Variants in APPL1 observed in about 807,000 individuals in gnomAD.
APPL1 encodes the protein DCC-interacting protein 13-alpha.
APPL1 carries 42 observed loss-of-function variants against 106.8 expected under a neutral mutation model. That is an observed-to-expected ratio of 0.39 (90% CI 0.31 to 0.51). The LOEUF is 0.51. Among genes scored for constraint, APPL1 ranks in the 20% least tolerant of loss-of-function variants. The pLI, the probability that APPL1 is intolerant of heterozygous loss-of-function variation, is 0.75. For missense variants in APPL1, 769 were observed against 858.2 expected, an observed-to-expected ratio of 0.90 and a Z score of 1.30; for synonymous variants, 263 against 281.8, an observed-to-expected ratio of 0.93 and a Z score of 0.67.
At chr3:57,265,756 A>T (rs1472147042) in intron 19 of APPL1, among the ~76,000 whole-genome samples, 1 of 151,880 alleles carries the variant, frequency 6.6e-6, no homozygotes, top group Admixed American at 6.6e-5. Flanking sequence ...CTCTTACCTG[A>T]TTACTCATCT....
At position 57,237,540 on chromosome 3, in the gene APPL1, T is replaced by A. The variant is rs1441177436; in HGVS notation, c.202T>A (p.Tyr68Asn). 1 of 1,597,106 alleles carries A rather than the reference T, an allele frequency of 6.3e-7. No individual in the cohort carries two copies. The highest frequency in any genetic ancestry group is 8.5e-7 in the Non-Finnish European group (1 of 1,170,338). ...THLTSKLLKE[Y>N]EKQRFPLGGD... ...CCTGACCTCAAAACTTTTAAAAGAA[T>A]ATGAAAAACAGGTATTGTATATCAA... Residue 68 changes from tyrosine to asparagine, a missense_variant, in exon 3 of 22, where the codon TAT becomes AAT. Tyr to Asn is a moderately radical substitution (Grantham distance 143). Coordinates refer to ENST00000288266, the MANE Select transcript of APPL1 (RefSeq NM_012096.3).
chr3:57,252,058 A>G (rs960537729), intron 11 of APPL1, among the ~76,000 whole-genome samples: 8 of 152,114 alleles, frequency 5.3e-5, no homozygotes, highest in African/African-American at 1.7e-4. Flanking sequence ...ACATCTTGGC[A>G]TAGATAGTCA....
rs1050189191 is a variant in APPL1, at chr3:57,252,253, G to A, written c.1053-16G>A. On this transcript the variant is annotated splice_polypyrimidine_tract_variant and intron_variant, in intron 11 of 21. Coordinates refer to ENST00000288266, the MANE Select transcript of APPL1 (RefSeq NM_012096.3). ...TTTTTTAAACAGTTGAGGCTCAAACGTCTCTTCTCTTCCAGATCTTCAATT... is the reference window on the plus strand; with the variant it reads ...TTTTTTAAACAGTTGAGGCTCAAACATCTCTTCTCTTCCAGATCTTCAATT... 2.6e-5 allele frequency: 42 copies of A among 1,604,102 alleles called. No individual in the cohort carries two copies. The highest frequency in any genetic ancestry group is 1.7e-4 in the Admixed American group (10 of 58,022).
intron 1 of APPL1, among the ~76,000 whole-genome samples, chr3:57,231,077 T>C (rs950693722): frequency 2.0e-5 from 3 of 151,330 alleles, no homozygotes; most frequent in Non-Finnish European, 4.4e-5. Context: ...TGGTGGCTCA[T>C]GCCTGTAATC....
At chr3:57,266,545 C>A (rs1168509780) in intron 19 of APPL1, among the ~76,000 whole-genome samples, 1 of 152,130 alleles carries the variant, frequency 6.6e-6, no homozygotes, top group Admixed American at 6.5e-5. Flanking sequence ...GTAATGTCAC[C>A]TTTTTAATCT....
chr3:57,236,744 G>C (rs1327147740), intron 2 of APPL1, among the ~76,000 whole-genome samples: 4 of 152,164 alleles, frequency 2.6e-5, no homozygotes, highest in Non-Finnish European at 4.4e-5. Flanking sequence ...GTATGACTAA[G>C]TTTTCTTATT....
At chr3:57,269,482 A>G in intron 21 of APPL1, 59 bp from the exon 22 acceptor site, 5 of 1,590,122 alleles carry the variant, frequency 3.1e-6, no homozygotes, top group African/African-American at 1.3e-5. Flanking sequence ...TCTTAACTGC[A>G]TAATTTGCCA....
At position 57,239,877 on chromosome 3, in the gene APPL1, T is replaced by A. The variant is rs192304165; in HGVS notation, c.286-588T>A. ...AGTTTGTGTGTATTTAAAATTTTTT[T>A]AAAAATTATGGCCATCTGAGTGAGT... On this transcript the variant is annotated intron_variant, in intron 4 of 21. Coordinates refer to ENST00000288266, the MANE Select transcript of APPL1 (RefSeq NM_012096.3). Among the ~76,000 whole-genome samples, 224 of 152,274 alleles carry A rather than the reference T, an allele frequency of 1.5e-3. 4 individuals are homozygous for A. Among genetic ancestry groups the A allele is most frequent in the East Asian group, 7.7e-4 (4 of 5,182 alleles).
chr3:57,261,734 A>C (rs887588250), intron 19 of APPL1, among the ~76,000 whole-genome samples: 1 of 151,836 alleles, frequency 6.6e-6, no homozygotes, highest in Non-Finnish European at 1.5e-5. Context: ...TAGCCAGGAT[A>C]GTCTTGATCT....
At chr3:57,230,355 T>C (rs998151741) in intron 1 of APPL1, among the ~76,000 whole-genome samples, 3 of 152,090 alleles carry the variant, frequency 2.0e-5, no homozygotes, top group African/African-American at 7.2e-5. Flanking sequence ...TTCAGAAAAA[T>C]TGGAAGGTCC....
chr3:57,270,547 T>C lies in APPL1; in HGVS notation c.*860T>C, dbSNP rs2060929972. On this transcript the variant is annotated 3_prime_UTR_variant, in exon 22 of 22. Transcript: ENST00000288266. Reference sequence around the variant, plus strand: ...ATTGTATTTTCTGCATTGTGTGAAATAGTTTTTATTGAAAGTCAAGTGACA... The same window carrying C: ...ATTGTATTTTCTGCATTGTGTGAAACAGTTTTTATTGAAAGTCAAGTGACA... 6.5e-6 allele frequency: 1 copy of C among 152,680 alleles called. No homozygotes were observed. Among genetic ancestry groups the C allele is most frequent in the South Asian group, 2.1e-4 (1 of 4,834 alleles). 9.5% of individuals were successfully genotyped at this position (152,680 alleles called of 1,614,324 possible).
In APPL1 at chr3:57,270,941, T is replaced by A. The variant is rs1456935851; in HGVS notation, c.*1254T>A. 1 of 152,150 alleles carries A rather than the reference T, an allele frequency of 6.6e-6. No homozygotes were observed. Among genetic ancestry groups the A allele is most frequent in the Admixed American group, 6.6e-5 (1 of 15,266 alleles). The allele number at this position is 152,150 out of a possible 1,614,324, so 9.4% of individuals were successfully genotyped here. On this transcript the variant is annotated 3_prime_UTR_variant, in exon 22 of 22. Coordinates refer to ENST00000288266, the MANE Select transcript of APPL1 (RefSeq NM_012096.3). ...TTTCTCTACTGCCTATTGTTTATGT[T>A]AAACCTTAATTTTTTTTCTGTAATC...
chr3:57,230,721 T>TC (rs2060681803), intron 1 of APPL1: 2 of 447,804 alleles, frequency 4.5e-6, no homozygotes, highest in African/African-American at 4.2e-5. Context: ...TAGAATAGAG[T>TC]CCAAGAAGCA....
intron 1 of APPL1, among the ~76,000 whole-genome samples, chr3:57,233,028 A>G (rs1197571652): frequency 2.0e-5 from 3 of 152,170 alleles, no homozygotes; most frequent in South Asian, 4.2e-4. Flanking sequence ...CAAAAAAACA[A>G]AAAAGAAAAG....
At chr3:57,239,238 T>C (rs1007556889) in intron 4 of APPL1, among the ~76,000 whole-genome samples, 2 of 152,162 alleles carry the variant, frequency 1.3e-5, no homozygotes. Context: ...GGAGCTACAA[T>C]TGAAGATGAG....
At chr3:57,251,021 A>C (rs1339576524) in intron 11 of APPL1, among the ~76,000 whole-genome samples, 1 of 146,432 alleles carries the variant, frequency 6.8e-6, no homozygotes, top group Non-Finnish European at 1.5e-5. Context: ...GTTAGCCAGG[A>C]TGGTCTCGAT....
chr3:57,250,654 C>G (rs553888771), intron 11 of APPL1, among the ~76,000 whole-genome samples: 43 of 152,118 alleles, frequency 2.8e-4, no homozygotes, highest in Non-Finnish European at 5.7e-4. Context: ...TTGCAGCCAC[C>G]TATTAAAAAC....
chr3:57,268,594 T>A, intron 21 of APPL1, 107 bp downstream of exon 21: 1 of 1,295,362 alleles, frequency 7.7e-7, no homozygotes, highest in Non-Finnish European at 1.0e-6. Flanking sequence ...TTCTGCTTGT[T>A]CAGCCACTTC....
intron 2 of APPL1, 42 bp from the exon 3 acceptor site, chr3:57,237,449 CT>C (rs1579382267): frequency 2.1e-6 from 3 of 1,454,578 alleles, no homozygotes; most frequent in Non-Finnish European, 1.9e-6. Context: ...AAAACTAAAA[CT>C]TTTTTCCCAG....
Sources: gnomAD v4.1 joint callset for allele counts (sites outside exome capture counted in the v4.1 genomes callset) on GRCh38, gnomAD v4.1.1 for gene constraint, MANE v1.5 for transcripts, NCBI Gene and HGNC (gene_info 2026-07-23, HGNC 2026-07-21) for gene names.